PITPNM2: variants seen among roughly 807,000 people sequenced by gnomAD.
PITPNM2 encodes membrane-associated phosphatidylinositol transfer protein 2.
Under a neutral mutation model 132.2 loss-of-function variants are expected in PITPNM2, and 35 were observed. The observed-to-expected ratio is 0.26, with a 90% CI of 0.20 to 0.35. PITPNM2 has a LOEUF of 0.35. Among genes scored for constraint, PITPNM2 ranks in the 10% least tolerant of loss-of-function variants. PITPNM2 has a pLI of 1.00. For missense variants in PITPNM2, 1,332 were observed against 1,912.0 expected (o/e 0.70, Z 5.66); for synonymous variants, 738 against 799.2 (o/e 0.92, Z 1.29).
At chr12:123,136,352 A>G (rs2043382560) in intron 1 of PITPNM2, among the ~76,000 whole-genome samples, 1 of 152,152 alleles carries the variant, frequency 6.6e-6, no homozygotes, top group Admixed American at 6.5e-5. Context: ...ATAACAAAAA[A>G]TAGAAATTTA....
chr12:122,991,841 A>T (rs764737828), intron 16 of PITPNM2: 2 of 1,304,974 alleles, frequency 1.5e-6, no homozygotes, highest in Non-Finnish European at 9.7e-7. Flanking sequence ...CCCGTGGGGG[A>T]GAGGGGCCAG....
At chr12:123,119,355 A>ACTTTTTTT (rs762896348) in intron 1 of PITPNM2, among the ~76,000 whole-genome samples, 3 of 129,304 alleles carry the variant, frequency 2.3e-5, no homozygotes, top group African/African-American at 8.5e-5. Context: ...GAGGATGGTG[A>ACTTTTTTT]TTTTTTTTTT....
rs2137342874 is a variant in PITPNM2, at chr12:123,111,880, G to A, written c.-199-1392C>T. ...CTACATGCCACCGTAGGCCACAGTT[G>A]AGGCCAGCAACTCTGAAGTCTCCCC... On this transcript the variant is annotated intron_variant, in intron 1 of 25. Transcript: ENST00000320201. This position sits in a 1 kb window ranked among gnomAD's most constrained non-coding sequence, Gnocchi z 4.1. 6.6e-6 allele frequency among the ~76,000 whole-genome samples: 1 copy of A among 152,338 alleles called. No individual in the cohort carries two copies. The highest frequency in any genetic ancestry group is 2.1e-4 in the South Asian group (1 of 4,834).
At chr12:123,142,771 G>A (rs2043531778) in intron 1 of PITPNM2, among the ~76,000 whole-genome samples, 1 of 152,052 alleles carries the variant, frequency 6.6e-6, no homozygotes, top group Non-Finnish European at 1.5e-5. Context: ...CCTGCTCCGT[G>A]AGCCTCACTT....
At chr12:123,131,610 AGT>A (rs1424540447) in intron 1 of PITPNM2, among the ~76,000 whole-genome samples, 1 of 152,140 alleles carries the variant, frequency 6.6e-6, no homozygotes, top group Non-Finnish European at 1.5e-5. Flanking sequence ...GCAGAGGGAG[AGT>A]CTGGTTCCAT....
At chr12:122,987,928 CA>C (rs766998432) in intron 20 of PITPNM2, 27 bp from the exon 21 acceptor site, 44 of 1,591,296 alleles carry the variant, frequency 2.8e-5, no homozygotes, top group Non-Finnish European at 3.3e-5. Flanking sequence ...AAGCCCAGGT[CA>C]GGGGGTCGGA....
At chr12:123,034,206 A>T (rs932870617) in intron 3 of PITPNM2, 5 of 328,542 alleles carry the variant, frequency 1.5e-5, no homozygotes, top group African/African-American at 1.0e-4. Flanking sequence ...AAACTGAAAC[A>T]TAGGAAAACA....
intron 2 of PITPNM2, among the ~76,000 whole-genome samples, chr12:123,086,792 GTC>G (rs1163342323): frequency 2.6e-5 from 4 of 152,206 alleles, no homozygotes; most frequent in African/African-American, 9.7e-5. Context: ...TCTGAGAAGA[GTC>G]TCTGGCGTGC....
chr12:122,998,029 C>T (rs1309963390), intron 10 of PITPNM2, among the ~76,000 whole-genome samples: 1 of 152,174 alleles, frequency 6.6e-6, no homozygotes, highest in African/African-American at 2.4e-5. Flanking sequence ...CCTGAGCAGA[C>T]AGGGCCACCA....
At position 123,085,584 on chromosome 12, in the gene PITPNM2, TA is replaced by T. The variant is rs1398687729; in HGVS notation, c.-96+24800del. ...TGATAAAAAAAATTCTGGAAATGGA[TA>T]GGGGTGATGGTTACACACATTCTAA... On this transcript the variant is annotated intron_variant, in intron 2 of 25. Coordinates refer to ENST00000320201, the MANE Select transcript of PITPNM2 (RefSeq NM_020845.3). 4.6e-5 allele frequency among the ~76,000 whole-genome samples: 7 copies of T among 152,026 alleles called. No homozygotes were observed. In the East Asian group the frequency reaches 7.7e-4, roughly 17 times the overall value.
intron 2 of PITPNM2, among the ~76,000 whole-genome samples, chr12:123,053,440 T>C (rs1391962958): frequency 6.6e-6 from 1 of 152,194 alleles, no homozygotes; most frequent in East Asian, 1.9e-4. Context: ...AACTAATCTG[T>C]TACTCTCAAG....
At chr12:123,103,390 G>A (rs186178138) in intron 2 of PITPNM2, among the ~76,000 whole-genome samples, 9 of 152,338 alleles carry the variant, frequency 5.9e-5, no homozygotes, top group Non-Finnish European at 7.3e-5. Context: ...ATAATGCACA[G>A]GAGCACTGAC....
At chr12:123,094,971 G>T (rs2042368844) in intron 2 of PITPNM2, among the ~76,000 whole-genome samples, 1 of 152,246 alleles carries the variant, frequency 6.6e-6, no homozygotes, top group African/African-American at 2.4e-5. Context: ...TATATGATCA[G>T]ATTAACTTCT....
At position 122,995,383 on chromosome 12, in the gene PITPNM2, G is replaced by A; in HGVS notation, c.2054+6C>T. 6.3e-7 allele frequency: 1 copy of A among 1,582,526 alleles called. No homozygotes were observed. The highest frequency in any genetic ancestry group is 1.3e-5 in the African/African-American group (1 of 74,652). Reference sequence around the variant, plus strand: ...AGGCAAGCCCCAGCCCCCCAGCCCTGCCCACCTGGACAGGAAGGCCTGGTG... The same window carrying A: ...AGGCAAGCCCCAGCCCCCCAGCCCTACCCACCTGGACAGGAAGGCCTGGTG... On this transcript the variant is annotated splice_donor_region_variant and intron_variant, in intron 14 of 25. Transcript: ENST00000320201.
chr12:123,109,981 G>A (rs572663850), intron 2 of PITPNM2, among the ~76,000 whole-genome samples: 9 of 152,108 alleles, frequency 5.9e-5, no homozygotes, highest in East Asian at 1.9e-4. Context: ...TTTAAGAGAC[G>A]GGGTCTCACT....
At chr12:123,048,098 C>CAAA (rs1306453044) in intron 2 of PITPNM2, among the ~76,000 whole-genome samples, 1 of 73,498 alleles carries the variant, frequency 1.4e-5, no homozygotes, top group African/African-American at 4.6e-5. Context: ...GACTCCATCT[C>CAAA]AAAAAAAAAA....
chr12:123,096,911 A>G (rs2042424623), intron 2 of PITPNM2, among the ~76,000 whole-genome samples: 1 of 152,208 alleles, frequency 6.6e-6, no homozygotes, highest in South Asian at 2.1e-4. Flanking sequence ...GGCCCAGGGA[A>G]GCTAGAGGAA....
At chr12:123,090,187 T>C (rs941759883) in intron 2 of PITPNM2, 7 of 152,206 alleles carry the variant, frequency 4.6e-5, no homozygotes, top group African/African-American at 1.7e-4. Context: ...CTGAGGCTGA[T>C]AGAGTCATTT....
At chr12:123,027,503 C>G (rs79209281) in intron 3 of PITPNM2, among the ~76,000 whole-genome samples, 101 of 152,344 alleles carry the variant, frequency 6.6e-4, no homozygotes, top group East Asian at 5.0e-3. Context: ...CAGCTATGCA[C>G]CCTTGGGCAA....
Sources: gnomAD v4.1 joint callset for allele counts (sites outside exome capture counted in the v4.1 genomes callset) on GRCh38, gnomAD v4.1.1 for gene constraint, Gnocchi (gnomAD v3.1) non-coding constraint, MANE v1.5 for transcripts, NCBI Gene and HGNC (gene_info 2026-07-23, HGNC 2026-07-21) for gene names.